EZH2: variants seen among roughly 807,000 people sequenced by gnomAD.
The protein encoded by EZH2 is histone-lysine N-methyltransferase EZH2.
A neutral mutation model predicts 98.4 loss-of-function variants in EZH2; 18 were observed. The ratio of observed to expected loss-of-function variants is 0.18; its 90% CI spans 0.13 to 0.27. The LOEUF is 0.27. EZH2 is among the 10% of genes least tolerant of loss of function. The pLI, the probability that EZH2 is intolerant of heterozygous loss-of-function variation, is 1.00. For synonymous variants in EZH2, 338 were observed against 312.3 expected, an observed-to-expected ratio of 1.08 and a Z score of -0.87; for missense variants, 470 against 935.1, an observed-to-expected ratio of 0.50 and a Z score of 6.49.
rs1816971149 is a variant in EZH2, at chr7:148,857,291, G to C, written c.-7-9986C>G. On this transcript the variant is annotated intron_variant, in intron 1 of 19. Coordinates refer to ENST00000320356, the MANE Select transcript of EZH2 (RefSeq NM_004456.5). Reference sequence around the variant, plus strand: ...GAGACATGATAACTAAATGAACTGTGGTATCTTGGATTGGATCCTGAAACC... The same window carrying C: ...GAGACATGATAACTAAATGAACTGTCGTATCTTGGATTGGATCCTGAAACC... Among the ~76,000 whole-genome samples the C allele has an allele frequency of 3.3e-5, 5 of 152,146 alleles. 1 individual carries two copies. The South Asian group carries it at 8.3e-4, about 25-fold the overall frequency.
chr7:148,833,646 G>C (rs1243118717), intron 3 of EZH2, among the ~76,000 whole-genome samples: 1 of 152,066 alleles, frequency 6.6e-6, no homozygotes, highest in African/African-American at 2.4e-5. Flanking sequence ...CTGCAAAACT[G>C]TAATCTCTGA....
chr7:148,839,569 T>A (rs1036793102), intron 3 of EZH2, among the ~76,000 whole-genome samples: 8 of 150,000 alleles, frequency 5.3e-5, no homozygotes, highest in Non-Finnish European at 7.4e-5. Context: ...AAAAAAACTA[T>A]TTTTTTTTGT....
chr7:148,866,556 A>G (rs58389428), intron 1 of EZH2, among the ~76,000 whole-genome samples: 61,849 of 125,116 alleles, frequency 0.49, 15,307 homozygotes, highest in African/African-American at 0.59. Flanking sequence ...ATATATATAC[A>G]TATATACATA....
chr7:148,839,866 T>C (rs1053393132), intron 3 of EZH2, among the ~76,000 whole-genome samples: 2 of 152,138 alleles, frequency 1.3e-5, no homozygotes, highest in Non-Finnish European at 2.9e-5. Flanking sequence ...ATTTGTAATA[T>C]ACAAAAAGTC....
chr7:148,841,663 T>A (rs1366556333), intron 3 of EZH2, among the ~76,000 whole-genome samples: 1 of 152,202 alleles, frequency 6.6e-6, no homozygotes, highest in Non-Finnish European at 1.5e-5. Flanking sequence ...TGTATCTGAG[T>A]AAAGTACACT....
intron 1 of EZH2, among the ~76,000 whole-genome samples, chr7:148,878,719 C>T (rs556761806): frequency 1.3e-5 from 2 of 150,824 alleles, no homozygotes; most frequent in East Asian, 4.0e-4. Flanking sequence ...GGCAACATGG[C>T]AAAACCCTGT....
chr7:148,875,636 C>T (rs1023984149), intron 1 of EZH2, among the ~76,000 whole-genome samples: 4 of 152,190 alleles, frequency 2.6e-5, no homozygotes, highest in African/African-American at 4.8e-5. Flanking sequence ...GTAACTCCTG[C>T]ACAGTTACAA....
chr7:148,848,925 C>CT lies in EZH2; in HGVS notation c.-7-1621dup, dbSNP rs917895409. 1.3e-3 allele frequency among the ~76,000 whole-genome samples: 186 copies of CT among 146,918 alleles called. 1 individual carries two copies. The highest frequency in any genetic ancestry group is 3.1e-3 in the African/African-American group (125 of 40,244). On this transcript the variant is annotated intron_variant, in intron 1 of 19. Transcript: ENST00000320356. ...TCACCTATGCATAGCCTCCCATATA[C>CT]TTTTTTTTTTTACCTGGCTTCCTGG...
rs28723387 is a variant in EZH2, at chr7:148,846,661, C to T, written c.118-63G>A. 0.15 allele frequency: 219,217 copies of T among 1,458,910 alleles called. 17,383 individuals are homozygous for T. Among genetic ancestry groups the T allele is most frequent in the Admixed American group, 0.23 (11,483 of 50,842 alleles). The allele number at this position is 1,458,910 out of a possible 1,614,324, so 90.4% of individuals were successfully genotyped here. A position where few individuals can be genotyped will look rare whatever the true frequency, so the allele number is the denominator to read the frequency against. ...GTTCATTGTTAGAAAATGTATAACA[C>T]CTGTAAAGCAGGTTAAAAATCTAGT... On this transcript the variant is annotated intron_variant, in intron 2 of 19. Transcript: ENST00000320356.
chr7:148,882,127 T>A (rs1821097321), intron 1 of EZH2, among the ~76,000 whole-genome samples: 1 of 152,190 alleles, frequency 6.6e-6, no homozygotes, highest in Non-Finnish European at 1.5e-5. Flanking sequence ...ACGTTACTTT[T>A]TTGTTATAAT....
intron 3 of EZH2, among the ~76,000 whole-genome samples, chr7:148,845,303 A>C (rs1813707342): frequency 6.6e-6 from 1 of 152,202 alleles, no homozygotes; most frequent in Admixed American, 6.5e-5. Flanking sequence ...ATGGGCATCA[A>C]AAAGAATCCC....
chr7:148,812,815 T>C (rs1803468041), intron 15 of EZH2, among the ~76,000 whole-genome samples: 1 of 152,072 alleles, frequency 6.6e-6, no homozygotes, highest in Non-Finnish European at 1.5e-5. Context: ...AGTAAAATCA[T>C]CTAAATGTCT....
intron 1 of EZH2, among the ~76,000 whole-genome samples, chr7:148,864,269 T>C (rs1355041607): frequency 6.6e-6 from 1 of 152,204 alleles, no homozygotes. Flanking sequence ...GAGTACTGCT[T>C]AGAAAAGAAA....
intron 1 of EZH2, among the ~76,000 whole-genome samples, chr7:148,854,152 TA>T (rs1372020405): frequency 6.6e-6 from 1 of 152,178 alleles, no homozygotes. Context: ...ATTGCTTCTT[TA>T]AAAATTCTAC....
intron 4 of EZH2, among the ~76,000 whole-genome samples, chr7:148,831,820 T>C (rs1809481527): frequency 6.6e-6 from 1 of 152,204 alleles, no homozygotes. Flanking sequence ...AATACAACTA[T>C]ATATTTTTTA....
chr7:148,811,029 A>G (rs1802918882), intron 16 of EZH2, among the ~76,000 whole-genome samples: 1 of 151,998 alleles, frequency 6.6e-6, no homozygotes, highest in Non-Finnish European at 1.5e-5. Context: ...CTAGGTCCTT[A>G]TCAACTAGGT....
rs10254648 is a variant in EZH2 at position 148,838,494 on chromosome 7, G to A, written c.247-5744C>T. Among the ~76,000 whole-genome samples the A allele has an allele frequency of 8.7e-3, 1,321 of 152,186 alleles. 26 individuals carry two copies. The highest frequency in any genetic ancestry group is 0.029 in the African/African-American group (1,188 of 41,496). On this transcript the variant is annotated intron_variant, in intron 3 of 19. Coordinates refer to ENST00000320356, the MANE Select transcript of EZH2 (RefSeq NM_004456.5). ...GATCAGAAACAGAATAATCATCACA[G>A]GTAGTAAGCACTCAAAAAAGTACAT...
At position 148,849,565 on chromosome 7, in the gene EZH2, C is replaced by T. The variant is rs563504937; in HGVS notation, c.-7-2260G>A. Among the ~76,000 whole-genome samples, 21 of 152,034 alleles carry T rather than the reference C, an allele frequency of 1.4e-4. 1 individual carries two copies. The highest frequency in any genetic ancestry group is 5.2e-4 in the Admixed American group (8 of 15,264). ...AAGTTTCCAAGTGTGGCCTTGCCTG[C>T]GAGTTGCTAAAGTGGAATAAAGCTG... is the stretch of plus-strand genomic sequence containing the variant. On this transcript the variant is annotated intron_variant, in intron 1 of 19. Coordinates refer to ENST00000320356, the MANE Select transcript of EZH2 (RefSeq NM_004456.5).
rs939686972 is a variant in EZH2, at chr7:148,884,276, G to A, written c.-120C>T. 20 of 184,524 alleles carry A rather than the reference G, an allele frequency of 1.1e-4. No homozygotes were observed. The highest frequency in any genetic ancestry group is 5.1e-4 in the South Asian group (3 of 5,936). The allele number at this position is 184,524 out of a possible 1,614,324, so 11.4% of individuals were successfully genotyped here. ...GTCCCACCGGGTGTCGGACGCGACC[G>A]GACCGAGCGCCAAACGCGGCAGCCC... On this transcript the variant is annotated 5_prime_UTR_variant, in exon 1 of 20. Coordinates refer to ENST00000320356, the MANE Select transcript of EZH2 (RefSeq NM_004456.5).
Sources: gnomAD v4.1 joint callset for allele counts (sites outside exome capture counted in the v4.1 genomes callset) on GRCh38, gnomAD v4.1.1 for gene constraint, MANE v1.5 for transcripts, NCBI Gene and HGNC (gene_info 2026-07-23, HGNC 2026-07-21) for gene names.